HIVEP2: variants seen among roughly 807,000 people sequenced by gnomAD.
HIVEP2 encodes the protein transcription factor HIVEP2.
In HIVEP2, 14 loss-of-function variants were observed where a neutral mutation model predicts 180.7. That is an observed-to-expected ratio of 0.08 (90% CI 0.05 to 0.12). The LOEUF (loss-of-function observed/expected upper bound fraction) is 0.12. Ranked by LOEUF, HIVEP2 falls within the 10% of genes least tolerant of loss-of-function variation. The probability of loss-of-function intolerance (pLI) is 1.00; values close to 1 mark genes in which losing one functional copy is unlikely to be tolerated. For synonymous variants in HIVEP2, 1,184 were observed against 1,136.4 expected, an observed-to-expected ratio of 1.04 and a Z score of -0.84; for missense variants, 2,579 against 3,008.5, an observed-to-expected ratio of 0.86 and a Z score of 3.34.
chr6:142,851,698 A>G (rs1466663871), intron 1 of HIVEP2, among the ~76,000 whole-genome samples: 1 of 152,242 alleles, frequency 6.6e-6, no homozygotes, highest in East Asian at 1.9e-4. Context: ...CAATGTAAAA[A>G]GATACATGGG....
At chr6:142,869,992 T>A (rs1483695183) in intron 1 of HIVEP2, among the ~76,000 whole-genome samples, 1 of 152,036 alleles carries the variant, frequency 6.6e-6, no homozygotes, top group African/African-American at 2.4e-5. Context: ...GAGATTGAAA[T>A]GCAAGCCTCA....
intron 1 of HIVEP2, among the ~76,000 whole-genome samples, chr6:142,878,815 C>T (rs1194134463): frequency 2.0e-5 from 3 of 152,104 alleles, no homozygotes; most frequent in East Asian, 1.9e-4. Context: ...GAAGGCACCT[C>T]GCCTCATCAT....
chr6:142,754,768 T>C (rs1440361678), intron 9 of HIVEP2, among the ~76,000 whole-genome samples: 4 of 152,356 alleles, frequency 2.6e-5, no homozygotes, highest in South Asian at 2.1e-4. Context: ...CAATATCTTC[T>C]TGGCAATCAA....
chr6:142,759,331 A>G (rs1431745397), intron 9 of HIVEP2, among the ~76,000 whole-genome samples: 1 of 152,184 alleles, frequency 6.6e-6, no homozygotes, highest in African/African-American at 2.4e-5. Context: ...AAAAATTTTA[A>G]AAATAAAAGT....
chr6:142,834,335 A>G (rs1775170445), intron 2 of HIVEP2, among the ~76,000 whole-genome samples: 1 of 152,160 alleles, frequency 6.6e-6, no homozygotes, highest in South Asian at 2.1e-4. Flanking sequence ...TTAAAGTAAG[A>G]CTTCAGTGAT....
rs370802732 is a variant in HIVEP2, at chr6:142,760,075, A to T, written c.6213T>A (p.Ser2071=). The part of the protein sequence containing the change: ...KRYLIPKGDL[S]PRRHLSPRRD... Reference sequence around the variant, plus strand: ...TCCTAGGTGATAAATGTCTCCTGGGAGATAAATCTCCTTTGGGTATCAGAT... The same window carrying T: ...TCCTAGGTGATAAATGTCTCCTGGGTGATAAATCTCCTTTGGGTATCAGAT... The change falls in exon 9 of 10, where the codon TCT becomes TCA. Residue 2071 remains serine, a synonymous_variant. Transcript: ENST00000367603. 4 of 1,614,124 alleles carry T rather than the reference A, an allele frequency of 2.5e-6. No homozygotes were observed. Among genetic ancestry groups the T allele is most frequent in the Non-Finnish European group, 3.4e-6 (4 of 1,180,014 alleles).
intron 2 of HIVEP2, among the ~76,000 whole-genome samples, chr6:142,808,049 G>C (rs902147804): frequency 6.6e-6 from 1 of 152,138 alleles, no homozygotes; most frequent in African/African-American, 2.4e-5. Flanking sequence ...GGGCCCTCCA[G>C]AATCTGGTTT....
chr6:142,764,226 T>A (rs1033149263), intron 7 of HIVEP2, among the ~76,000 whole-genome samples: 11 of 152,056 alleles, frequency 7.2e-5, no homozygotes, highest in Non-Finnish European at 1.5e-4. Flanking sequence ...TAAAAAAAAA[T>A]TTTAAGGCAA....
intron 1 of HIVEP2, among the ~76,000 whole-genome samples, chr6:142,870,022 CAG>C (rs1562272642): frequency 6.6e-6 from 1 of 152,112 alleles, no homozygotes; most frequent in Non-Finnish European, 1.5e-5. Flanking sequence ...CACAAAGAGA[CAG>C]GGGACTCTTA....
intron 2 of HIVEP2, among the ~76,000 whole-genome samples, chr6:142,820,016 C>T (rs942129371): frequency 1.3e-5 from 2 of 152,114 alleles, no homozygotes; most frequent in African/African-American, 4.8e-5. Flanking sequence ...GGAGCACTCC[C>T]AAATGCTCCT....
chr6:142,751,538 G>T lies in HIVEP2; in HGVS notation c.*1569C>A, dbSNP rs541517007. ...TTAATGTAATTCAATATACAAACTTGGTTTCACAGAATTATAATCCACTAT... is the reference window on the plus strand; with the variant it reads ...TTAATGTAATTCAATATACAAACTTTGTTTCACAGAATTATAATCCACTAT... On this transcript the variant is annotated 3_prime_UTR_variant, in exon 10 of 10. Coordinates refer to ENST00000367603, the MANE Select transcript of HIVEP2 (RefSeq NM_006734.4). 9.8e-5 allele frequency: 15 copies of T among 152,650 alleles called. No individual in the cohort carries two copies. Among genetic ancestry groups the T allele is most frequent in the Non-Finnish European group, 1.9e-4 (13 of 68,042 alleles). 9.5% of individuals were successfully genotyped at this position (152,650 alleles called of 1,614,324 possible). A position where few individuals can be genotyped will look rare whatever the true frequency, so the allele number is the denominator to read the frequency against.
At chr6:142,861,671 A>G (rs1237727330) in intron 1 of HIVEP2, among the ~76,000 whole-genome samples, 1 of 152,190 alleles carries the variant, frequency 6.6e-6, no homozygotes, top group Non-Finnish European at 1.5e-5. Context: ...CATCAAGTAA[A>G]TGCCCTTAAA....
In HIVEP2 at chr6:142,780,498, T is replaced by C. The variant is rs1026048331; in HGVS notation, c.-433+3023A>G. Among the ~76,000 whole-genome samples, 3 of 152,168 alleles carry C rather than the reference T, an allele frequency of 2.0e-5. No individual in the cohort carries two copies. The South Asian group carries it at 6.2e-4, about 32-fold the overall frequency. On this transcript the variant is annotated intron_variant, in intron 3 of 9. Transcript: ENST00000367603. ...ACTAACTGCTATCCATAAAATCACG[T>C]CTCTTCTTGGAGTTTCTGAGACATA...
At chr6:142,832,180 G>A (rs1182477055) in intron 2 of HIVEP2, among the ~76,000 whole-genome samples, 3 of 133,050 alleles carry the variant, frequency 2.3e-5, no homozygotes, top group Non-Finnish European at 4.7e-5. Context: ...CAACAAGAGT[G>A]AAATTCTGTC....
chr6:142,897,245 A>G (rs1474225969), intron 1 of HIVEP2, among the ~76,000 whole-genome samples: 2 of 152,226 alleles, frequency 1.3e-5, no homozygotes, highest in Non-Finnish European at 2.9e-5. Context: ...TGAAAATACT[A>G]CAGCAGGTTG....
intron 6 of HIVEP2, among the ~76,000 whole-genome samples, chr6:142,768,090 A>G (rs538572134): frequency 3.9e-5 from 6 of 152,256 alleles, no homozygotes; most frequent in Non-Finnish European, 7.3e-5. Context: ...ACAAACTTAG[A>G]TGACATCAAG....
chr6:142,773,007 A>G lies in HIVEP2; in HGVS notation c.1732T>C (p.Tyr578His). 1 of 1,614,220 alleles carries G rather than the reference A, an allele frequency of 6.2e-7. No individual in the cohort carries two copies. ...ERMTGSDDVF[Y>H]PGTVGIPPQR... The stretch of plus-strand genomic sequence containing the variant: ...GGGGGTATGCCCACGGTCCCTGGAT[A>G]GAATACATCGTCGGAACCAGTCATC... Residue 578 changes from tyrosine (Y) to histidine (H), a missense_variant, in exon 5 of 10, where the codon TAT (tyrosine) becomes CAT (histidine). Transcript: ENST00000367603.
At position 142,817,136 on chromosome 6, in the gene HIVEP2, G is replaced by C. The variant is rs146615202; in HGVS notation, c.-528+19799C>G. Among the ~76,000 whole-genome samples, 41 of 152,282 alleles carry C rather than the reference G, an allele frequency of 2.7e-4. No individual in the cohort carries two copies. The East Asian group carries it at 7.7e-3, about 29-fold the overall frequency. On this transcript the variant is annotated intron_variant, in intron 2 of 9. Transcript: ENST00000367603. ...GACTAAAATACAAACTAAGGTTGGAGGGCCCAAATTTTCTTCTCTGAGTCT... is the reference window on the plus strand; with the variant it reads ...GACTAAAATACAAACTAAGGTTGGACGGCCCAAATTTTCTTCTCTGAGTCT...
intron 2 of HIVEP2, among the ~76,000 whole-genome samples, chr6:142,824,810 A>C (rs1299146298): frequency 6.6e-6 from 1 of 152,212 alleles, no homozygotes; most frequent in Non-Finnish European, 1.5e-5. Flanking sequence ...CCAGTGAGTG[A>C]TAACACATCT....
Sources: gnomAD v4.1 joint callset for allele counts (sites outside exome capture counted in the v4.1 genomes callset) on GRCh38, gnomAD v4.1.1 for gene constraint, MANE v1.5 for transcripts, NCBI Gene and HGNC (gene_info 2026-07-23, HGNC 2026-07-21) for gene names.